TYK2: variants seen among roughly 807,000 people sequenced by gnomAD.
The protein encoded by TYK2 is tyrosine kinase 2.
TYK2 carries 65 observed loss-of-function variants against 130.9 expected under a neutral mutation model. That is an observed-to-expected ratio of 0.50 (90% CI 0.41 to 0.61). The LOEUF (loss-of-function observed/expected upper bound fraction) is 0.61. TYK2 is among the 20% of genes least tolerant of loss of function. The probability of loss-of-function intolerance (pLI) is 0.00; values close to 1 mark genes in which losing one functional copy is unlikely to be tolerated. For missense variants in TYK2, 1,378 were observed against 1,610.7 expected (o/e 0.86, Z 2.47); for synonymous variants, 647 against 658.9 (o/e 0.98, Z 0.28).
chr19:10,353,440 G>T lies in TYK2; in HGVS notation c.3027+88C>A. On this transcript the variant is annotated intron_variant, in intron 21 of 24. Coordinates refer to ENST00000525621, the MANE Select transcript of TYK2 (RefSeq NM_003331.5). The surrounding 1 kb of genome is among the most constrained non-coding windows in gnomAD (Gnocchi z 6.9). ...CTGGGCAAACGAGCAGGGGCGGAGCGTGAGAGCAGACTGCACCGGATCGCT... is the reference window on the plus strand; with the variant it reads ...CTGGGCAAACGAGCAGGGGCGGAGCTTGAGAGCAGACTGCACCGGATCGCT... 1 of 929,464 alleles carries T rather than the reference G, an allele frequency of 1.1e-6. No homozygotes were observed. Among genetic ancestry groups the T allele is most frequent in the Non-Finnish European group, 1.6e-6 (1 of 644,408 alleles). The allele number at this position is 929,464 out of a possible 1,614,324, so 57.6% of individuals were successfully genotyped here. A position where few individuals can be genotyped will look rare whatever the true frequency, so the allele number is the denominator to read the frequency against.
rs1203299758 is a variant in TYK2, at chr19:10,357,843, T to G, written c.2387A>C (p.Asp796Ala). 1 of 1,613,478 alleles carries G rather than the reference T, an allele frequency of 6.2e-7. No homozygotes were observed. Among genetic ancestry groups the G allele is most frequent in the African/African-American group, 1.3e-5 (1 of 74,936 alleles). The change falls in exon 17 of 25, where the codon GAC becomes GCC. Residue 796 changes from aspartate to alanine, a missense_variant. Coordinates refer to ENST00000525621, the MANE Select transcript of TYK2 (RefSeq NM_003331.5). ...GGANSLSTAM[D>A]KWGFGATLLE... ...GAGGGTGGCGCCAAACCCCCACTTGTCCATGGCGGTGCTTAGGCTGTTGGC... is the reference window on the plus strand; with the variant it reads ...GAGGGTGGCGCCAAACCCCCACTTGGCCATGGCGGTGCTTAGGCTGTTGGC...
At chr19:10,366,005 G>A in intron 6 of TYK2, 107 bp from the exon 7 acceptor site, 1 of 1,229,996 alleles carries the variant, frequency 8.1e-7, no homozygotes, top group East Asian at 2.5e-5. Context: ...TGCCTCATCT[G>A]GAAAACAGGC....
At chr19:10,352,408 G>A (rs374686745) in intron 23 of TYK2, 26 bp downstream of exon 23, 13 of 1,479,674 alleles carry the variant, frequency 8.8e-6, no homozygotes, top group Admixed American at 8.4e-5. Flanking sequence ...GCAAACTCCC[G>A]GTGGGGCTGC....
Position 10,354,585 on chromosome 19 carries a change from T to G in TYK2, c.2642A>C (p.Asn881Thr). ...AGGGTCCGACGCCGGTGAGTCCGGG[T>G]TCACAGTCAAGACGTCAGCAAGATC... ...PHNLADVLTVNPDSPASDPTV... is the reference protein window; with the variant it reads ...PHNLADVLTVTPDSPASDPTV... Residue 881 changes from asparagine (N) to threonine (T), a missense_variant, in exon 19 of 25, where the codon AAC (asparagine) becomes ACC (threonine). Physicochemically the swap from Asn to Thr is moderately conservative, Grantham distance 65. Coordinates refer to ENST00000525621, the MANE Select transcript of TYK2 (RefSeq NM_003331.5). 1 of 1,613,576 alleles carries G rather than the reference T, an allele frequency of 6.2e-7. No individual in the cohort carries two copies. The highest frequency in any genetic ancestry group is 8.5e-7 in the Non-Finnish European group (1 of 1,179,944).
At chr19:10,351,509 C>T in intron 23 of TYK2, 1 of 329,418 alleles carries the variant, frequency 3.0e-6, no homozygotes, top group Non-Finnish European at 5.9e-6. Context: ...AGAAATCACT[C>T]TGCAACTTCA....
intron 3 of TYK2, among the ~76,000 whole-genome samples, chr19:10,376,607 C>CT (rs1229145469): frequency 9.8e-4 from 121 of 123,010 alleles, no homozygotes; most frequent in Non-Finnish European, 1.6e-3. Flanking sequence ...CGCACCTGGC[C>CT]TTTTTTTATT....
In TYK2 at chr19:10,375,285, T is replaced by C. The variant is rs117510319; in HGVS notation, c.193+2929A>G. On this transcript the variant is annotated intron_variant, in intron 3 of 24. Transcript: ENST00000525621. ...TGGGAATGGGGGAGGTAAGAGGAGT[T>C]TCTGGAGGAAGGTATATGTAACCAA... Among the ~76,000 whole-genome samples the C allele has an allele frequency of 1.8e-3, 273 of 152,186 alleles. 7 individuals carry two copies. The East Asian group carries it at 0.036, about 20-fold the overall frequency.
rs775948909 is a variant in TYK2, at chr19:10,354,539, A to G, written c.2688T>C (p.Tyr896=). The G allele has an allele frequency of 6.2e-7, 1 of 1,614,012 alleles. No individual in the cohort carries two copies. Among genetic ancestry groups the G allele is most frequent in the East Asian group, 2.2e-5 (1 of 44,872 alleles). The change falls in exon 19 of 25, where the codon TAT becomes TAC. Residue 896 remains tyrosine, a synonymous_variant. Transcript: ENST00000525621. ...ASDPTVFHKR[Y]LKKIRDLGEG... ...CGCCCAGATCTCGGATCTTTTTCAAATAGCGCTTGTGGAAAACCGTAGGGT... is the reference window on the plus strand; with the variant it reads ...CGCCCAGATCTCGGATCTTTTTCAAGTAGCGCTTGTGGAAAACCGTAGGGT...
At position 10,356,700 on chromosome 19, in the gene TYK2, T is replaced by A. The variant is rs901262733; in HGVS notation, c.2485A>T (p.Arg829Trp). The change falls in exon 18 of 25, where the codon AGG (arginine) becomes TGG (tryptophan). Residue 829 changes from arginine (R) to tryptophan (W), a missense_variant. By Grantham distance (101) the Arg-to-Trp change is moderately radical (BLOSUM62 -3). Transcript: ENST00000525621. Reference protein sequence around the residue: ...SPSEKEHFYQRQHRLPEPSCP... With the variant: ...SPSEKEHFYQWQHRLPEPSCP... ...GAGGGCTCGGGCAGCCGGTGCTGCCTCTGGTAGAAATGCTCCTTCTGTTGG... is the reference window on the plus strand; with the variant it reads ...GAGGGCTCGGGCAGCCGGTGCTGCCACTGGTAGAAATGCTCCTTCTGTTGG... The A allele has an allele frequency of 2.5e-6, 4 of 1,609,884 alleles. No individual in the cohort carries two copies. The Admixed American group carries it at 6.7e-5, about 27-fold the overall frequency.
intron 2 of TYK2, 85 bp from the exon 3 acceptor site, chr19:10,378,511 G>T: frequency 1.8e-6 from 2 of 1,096,158 alleles, no homozygotes; most frequent in Non-Finnish European, 2.7e-6. Flanking sequence ...CCCCAGCTAA[G>T]GCCTGAGGGG....
At position 10,378,410 on chromosome 19, in the gene TYK2, C is replaced by T. The variant is rs372505418; in HGVS notation, c.-4G>A. ...TCCCCCAGTGGCGCAGAGGCATGCT[C>T]CCGGCAGGTGGCTCAGCTGGAAAGG... On this transcript the variant is annotated 5_prime_UTR_variant, in exon 3 of 25. Coordinates refer to ENST00000525621, the MANE Select transcript of TYK2 (RefSeq NM_003331.5). 5 of 1,608,510 alleles carry T rather than the reference C, an allele frequency of 3.1e-6. No homozygotes were observed. The African/African-American group carries it at 5.3e-5, about 17-fold the overall frequency.
rs764428779 is a variant in TYK2 at position 10,364,684 on chromosome 19, A to G, written c.1297T>C (p.Tyr433His). 62 of 1,613,666 alleles carry G rather than the reference A, an allele frequency of 3.8e-5. No individual in the cohort carries two copies. In the South Asian group the frequency reaches 6.4e-4, roughly 17 times the overall value. ...GGGGGAGCCACCTCGTGGCACAGGT[A>G]GTGGCTGGAGTCGGCCGTCAGGCGG... ...YFRLTADSSH[Y>H]LCHEVAPPRL... Residue 433 changes from tyrosine to histidine, a missense_variant, in exon 9 of 25, where the codon TAC becomes CAC. Tyr to His is a moderately conservative substitution (Grantham distance 83, BLOSUM62 2). Coordinates refer to ENST00000525621, the MANE Select transcript of TYK2 (RefSeq NM_003331.5). The surrounding 1 kb of genome is among the most constrained non-coding windows in gnomAD (Gnocchi z 4.9).
Position 10,352,611 on chromosome 19 carries a change from C to T in TYK2, c.3201-60G>A, listed in dbSNP as rs2040867562. The T allele has an allele frequency of 4.6e-6, 4 of 870,552 alleles. No individual in the cohort carries two copies. The South Asian group carries it at 6.5e-5, about 14-fold the overall frequency. 53.9% of individuals were successfully genotyped at this position (870,552 alleles called of 1,614,324 possible). On this transcript the variant is annotated intron_variant, in intron 22 of 24. Transcript: ENST00000525621. ...TGCACTGAGGGCTTGGGGATCAGAC[C>T]AGGCTGAAGCCCTCACCTGAGACTG...
intron 18 of TYK2, among the ~76,000 whole-genome samples, chr19:10,355,008 G>C (rs1338836462): frequency 6.7e-6 from 1 of 150,244 alleles, no homozygotes; most frequent in Non-Finnish European, 1.5e-5. Context: ...AGTGAGTCTG[G>C]GCCACAGAGA....
chr19:10,379,018 C>G (rs192757561), intron 2 of TYK2, among the ~76,000 whole-genome samples: 1 of 152,092 alleles, frequency 6.6e-6, no homozygotes, highest in Non-Finnish European at 1.5e-5. Context: ...GCCACCACAC[C>G]GGGCTAATTT....
intron 3 of TYK2, among the ~76,000 whole-genome samples, chr19:10,374,267 A>AACAAC (rs1428179677): frequency 6.6e-6 from 1 of 150,476 alleles, no homozygotes; most frequent in Non-Finnish European, 1.5e-5. Context: ...CTCTGTCTCA[A>AACAAC]ACAACACAAC....
intron 3 of TYK2, among the ~76,000 whole-genome samples, chr19:10,375,821 G>A (rs1189016411): frequency 6.6e-6 from 1 of 151,572 alleles, no homozygotes. Flanking sequence ...CAGCTACTCG[G>A]GAGGCTGAGG....
Position 10,378,834 on chromosome 19 carries a change from T to TATCTC in TYK2, c.-20-409_-20-408insGAGAT, listed in dbSNP as rs2042265403. Among the ~76,000 whole-genome samples, 6 of 5,800 alleles carry TATCTC rather than the reference T, an allele frequency of 1.0e-3. No homozygotes were observed. The South Asian group carries it at 0.02, about 19-fold the overall frequency. The allele number at this position is 5,800 out of a possible 152,430, so 3.8% of individuals were successfully genotyped here. The stretch of plus-strand genomic sequence containing the variant: ...TGTTTCTACAAGACGTTTTATTTTA[T>TATCTC]ATCTTATCTTATCTTATCTTATCTT... On this transcript the variant is annotated intron_variant, in intron 2 of 24. Coordinates refer to ENST00000525621, the MANE Select transcript of TYK2 (RefSeq NM_003331.5).
Position 10,361,818 on chromosome 19 carries a change from T to G in TYK2, c.1911A>C (p.Leu637=). The change falls in exon 13 of 25, where the codon CTA becomes CTC. Residue 637 remains leucine, a synonymous_variant. Coordinates refer to ENST00000525621, the MANE Select transcript of TYK2 (RefSeq NM_003331.5). This position sits in a 1 kb window ranked among gnomAD's most constrained non-coding sequence, Gnocchi z 4.0. ...LVPGRDRGQE[L]RVVLKVLDPS... ...GGTCCAGCACTTTGAGCACCACTCGTAGCTCCTGCCCACGGTCCCTGCCAG... is the reference window on the plus strand; with the variant it reads ...GGTCCAGCACTTTGAGCACCACTCGGAGCTCCTGCCCACGGTCCCTGCCAG... 1 of 1,613,878 alleles carries G rather than the reference T, an allele frequency of 6.2e-7. No homozygotes were observed. The highest frequency in any genetic ancestry group is 8.5e-7 in the Non-Finnish European group (1 of 1,179,958).
Sources: allele counts gnomAD v4.1 joint callset (sites outside exome capture counted in the v4.1 genomes callset), GRCh38; gene constraint gnomAD v4.1.1; non-coding constraint Gnocchi (gnomAD v3.1); transcripts MANE v1.5; gene names NCBI Gene and HGNC (gene_info 2026-07-23, HGNC 2026-07-21).